VAMP7: variants seen among roughly 807,000 people sequenced by gnomAD.
VAMP7 encodes the protein vesicle associated membrane protein 7, also known as vesicle-associated membrane protein 7.
In VAMP7, 14 loss-of-function variants were observed where a neutral mutation model predicts 29.6. The observed-to-expected ratio is 0.47, with a 90% CI of 0.31 to 0.74. The LOEUF is 0.74. Ranked by LOEUF, VAMP7 falls within the 30% of genes least tolerant of loss-of-function variation. VAMP7 has a pLI of 0.05. For missense variants in VAMP7, 223 were observed against 262.4 expected, an observed-to-expected ratio of 0.85 and a Z score of 1.04; for synonymous variants, 95 against 88.1, an observed-to-expected ratio of 1.08 and a Z score of -0.44.
chrX:155,910,419 A>C (rs1569442497), intron 5 of VAMP7, among the ~76,000 whole-genome samples: 2 of 152,172 alleles, frequency 1.3e-5, no homozygotes, highest in Non-Finnish European at 2.9e-5. Flanking sequence ...ATAAATATGC[A>C]AGTGCAGATA....
intron 4 of VAMP7, among the ~76,000 whole-genome samples, chrX:155,898,840 G>A (rs899263477): frequency 1.3e-5 from 2 of 152,004 alleles, no homozygotes; most frequent in Non-Finnish European, 2.9e-5. Flanking sequence ...GTCTTTCATA[G>A]AACTTTCTGT....
intron 6 of VAMP7, among the ~76,000 whole-genome samples, chrX:155,936,206 A>T (rs2066652074): frequency 1.3e-5 from 2 of 152,090 alleles, no homozygotes; most frequent in Non-Finnish European, 2.9e-5. Context: ...TCCTGGGAGA[A>T]CCACTACTCT....
At position 155,942,124 on chromosome X, in the gene VAMP7, C is replaced by T. The variant is rs2066754455; in HGVS notation, c.*173C>T. ...CCAGGTTTATCTTTGTCTTATCTAC[C>T]AGTTTATTCCTGTGAACTTCAGATT... On this transcript the variant is annotated 3_prime_UTR_variant, in exon 8 of 8. Coordinates refer to ENST00000286448, the MANE Select transcript of VAMP7 (RefSeq NM_005638.6). 2.6e-6 allele frequency: 4 copies of T among 1,551,936 alleles called. No individual in the cohort carries two copies. The highest frequency in any genetic ancestry group is 3.5e-6 in the Non-Finnish European group (4 of 1,147,028).
At chrX:155,899,313 C>T (rs962593297) in intron 4 of VAMP7, among the ~76,000 whole-genome samples, 1 of 151,830 alleles carries the variant, frequency 6.6e-6, no homozygotes, top group African/African-American at 2.4e-5. Flanking sequence ...TTAAGTTTTG[C>T]CATTCCAGTT....
chrX:155,904,581 T>C (rs1457753795), intron 5 of VAMP7, among the ~76,000 whole-genome samples: 3 of 152,016 alleles, frequency 2.0e-5, no homozygotes, highest in Admixed American at 6.5e-5. Flanking sequence ...CCTGTACTCA[T>C]TTGCAGTTGC....
At chrX:155,891,438 C>G (rs1050044310) in intron 2 of VAMP7, among the ~76,000 whole-genome samples, 2 of 152,148 alleles carry the variant, frequency 1.3e-5, no homozygotes, top group Non-Finnish European at 2.9e-5. Context: ...CCATCAGGCC[C>G]TGGTGTGGCT....
At position 155,942,926 on chromosome X, in the gene VAMP7, G is replaced by A. The variant is rs1419687078; in HGVS notation, c.*975G>A. ...GGTCAGCAGTCAACTCCAGGGTTTGGGCTTGATTCCTGTTGAATAATAGTT... is the reference window on the plus strand; with the variant it reads ...GGTCAGCAGTCAACTCCAGGGTTTGAGCTTGATTCCTGTTGAATAATAGTT... On this transcript the variant is annotated 3_prime_UTR_variant, in exon 8 of 8. Transcript: ENST00000286448. 6.6e-6 allele frequency: 1 copy of A among 151,684 alleles called. No homozygotes were observed. Among genetic ancestry groups the A allele is most frequent in the East Asian group, 1.9e-4 (1 of 5,160 alleles). 9.4% of individuals were successfully genotyped at this position (151,684 alleles called of 1,614,324 possible). A position where few individuals can be genotyped will look rare whatever the true frequency, so the allele number is the denominator to read the frequency against.
At chrX:155,897,497 C>T (rs182319582) in intron 3 of VAMP7, among the ~76,000 whole-genome samples, 55 of 152,228 alleles carry the variant, frequency 3.6e-4, no homozygotes, top group Non-Finnish European at 6.5e-4. Flanking sequence ...TAGTTAGAGT[C>T]GAGCCTCATA....
intron 5 of VAMP7, among the ~76,000 whole-genome samples, chrX:155,917,381 C>T (rs1412836673): frequency 6.6e-6 from 1 of 151,958 alleles, no homozygotes; most frequent in African/African-American, 2.4e-5. Flanking sequence ...ACTCATTCTC[C>T]GTCCAGTTTG....
At chrX:155,894,756 T>C (rs1236808336) in intron 2 of VAMP7, among the ~76,000 whole-genome samples, 2 of 151,814 alleles carry the variant, frequency 1.3e-5, no homozygotes, top group Admixed American at 6.6e-5. Flanking sequence ...GCTGGGACTA[T>C]AGGCGTGTGC....
At chrX:155,905,359 T>C (rs2066132613) in intron 5 of VAMP7, among the ~76,000 whole-genome samples, 1 of 152,186 alleles carries the variant, frequency 6.6e-6, no homozygotes, top group Admixed American at 6.5e-5. Context: ...TATTTTGCTC[T>C]ATTCTGTGAG....
intron 6 of VAMP7, among the ~76,000 whole-genome samples, chrX:155,937,577 A>G (rs900322177): frequency 1.3e-5 from 2 of 152,208 alleles, no homozygotes; most frequent in Non-Finnish European, 2.9e-5. Flanking sequence ...GCAGAAAAAA[A>G]TAAAATTAGA....
chrX:155,886,674 T>G (rs2065869452), intron 1 of VAMP7, among the ~76,000 whole-genome samples: 1 of 152,160 alleles, frequency 6.6e-6, no homozygotes, highest in African/African-American at 2.4e-5. Flanking sequence ...TTGCCTCCCT[T>G]TTGTCTAGTC....
intron 6 of VAMP7, among the ~76,000 whole-genome samples, chrX:155,935,183 G>A (rs2066630180): frequency 6.6e-6 from 1 of 151,994 alleles, no homozygotes. Context: ...GTGTCTCGGA[G>A]TTGCTCTTCT....
At chrX:155,936,656 C>G (rs902074367) in intron 6 of VAMP7, among the ~76,000 whole-genome samples, 7 of 152,154 alleles carry the variant, frequency 4.6e-5, no homozygotes, top group African/African-American at 1.7e-4. Context: ...CCGGGTGAGG[C>G]GATGTCTCGC....
intron 6 of VAMP7, among the ~76,000 whole-genome samples, chrX:155,920,149 A>G (rs2066374544): frequency 2.0e-5 from 3 of 152,218 alleles, no homozygotes; most frequent in Admixed American, 6.5e-5. Context: ...ATTGAGGCCT[A>G]TATAATTTAG....
intron 1 of VAMP7, among the ~76,000 whole-genome samples, chrX:155,884,276 C>T (rs1391017385): frequency 1.1e-4 from 16 of 151,776 alleles, no homozygotes; most frequent in Non-Finnish European, 1.9e-4. Flanking sequence ...TACAGGCGTG[C>T]GCCACCACGC....
rs762493444 is a variant in VAMP7 at position 155,916,074 on chromosome X, T to C, written c.434-3739T>C. Among the ~76,000 whole-genome samples, 5 of 152,344 alleles carry C rather than the reference T, an allele frequency of 3.3e-5. No homozygotes were observed. In the East Asian group the frequency reaches 9.6e-4, roughly 29 times the overall value. The stretch of plus-strand genomic sequence containing the variant: ...TGCATATATATTTAGGATAGTTAGC[T>C]CTTCTTGTTGCATTGATCCCTTTAC... On this transcript the variant is annotated intron_variant, in intron 5 of 7. Coordinates refer to ENST00000286448, the MANE Select transcript of VAMP7 (RefSeq NM_005638.6).
Position 155,942,083 on chromosome X carries a change from A to G in VAMP7, c.*132A>G. ...TTCAACCCTCTTCTCACTTTTTAAA[A>G]TCTTGTTCCATGCCTCCAGGTTTAT... is the stretch of plus-strand genomic sequence containing the variant. On this transcript the variant is annotated 3_prime_UTR_variant, in exon 8 of 8. Coordinates refer to ENST00000286448, the MANE Select transcript of VAMP7 (RefSeq NM_005638.6). 1 of 1,563,950 alleles carries G rather than the reference A, an allele frequency of 6.4e-7. No individual in the cohort carries two copies. Among genetic ancestry groups the G allele is most frequent in the Non-Finnish European group, 8.7e-7 (1 of 1,153,252 alleles).
Sources: gnomAD v4.1 joint callset for allele counts (sites outside exome capture counted in the v4.1 genomes callset) on GRCh38, gnomAD v4.1.1 for gene constraint, MANE v1.5 for transcripts, NCBI Gene and HGNC (gene_info 2026-07-23, HGNC 2026-07-21) for gene names.